Variants in PADI6 observed in about 807,000 individuals in gnomAD.
PADI6 encodes peptidyl arginine deiminase 6.
PADI6 carries 66 observed loss-of-function variants against 78.2 expected under a neutral mutation model. The ratio of observed to expected loss-of-function variants is 0.84; its 90% CI spans 0.69 to 1.04. The LOEUF is 1.04. PADI6 is among the 50% of genes least tolerant of loss of function. The pLI is 0.00. For missense variants in PADI6, 854 were observed against 866.1 expected (o/e 0.99, Z 0.18); for synonymous variants, 397 against 346.9 (o/e 1.14, Z -1.60).
At position 17,379,145 on chromosome 1, in the gene PADI6, C is replaced by T. The variant is rs375373998; in HGVS notation, c.368-775C>T. 5.7e-4 allele frequency among the ~76,000 whole-genome samples: 63 copies of T among 111,174 alleles called. 2 individuals are homozygous for T. The South Asian group carries it at 0.014, about 25-fold the overall frequency. 72.9% of individuals were successfully genotyped at this position (111,174 alleles called of 152,430 possible). A position where few individuals can be genotyped will look rare whatever the true frequency, so the allele number is the denominator to read the frequency against. On this transcript the variant is annotated intron_variant, in intron 3 of 15. Coordinates refer to ENST00000619609, the MANE Select transcript of PADI6 (RefSeq NM_207421.4). The stretch of plus-strand genomic sequence containing the variant: ...TTTTTTTTTTTTTAAGACGGAGTCT[C>T]GCTGTCGCCCAGGCTGGAGTGCAGT...
chr1:17,376,325 A>C (rs536334176), intron 3 of PADI6, among the ~76,000 whole-genome samples: 13 of 147,730 alleles, frequency 8.8e-5, no homozygotes, highest in Non-Finnish European at 1.9e-4. Context: ...TTTGAGATGG[A>C]GTCTTGCTCT....
chr1:17,383,903 C>T (rs1178233069), intron 6 of PADI6, among the ~76,000 whole-genome samples: 1 of 148,156 alleles, frequency 6.7e-6, no homozygotes. Context: ...AATCCCAACA[C>T]TTCGGGAGGC....
Position 17,398,755 on chromosome 1 carries a change from A to G in PADI6, c.1759A>G (p.Ile587Val). 6.2e-7 allele frequency: 1 copy of G among 1,602,226 alleles called. No homozygotes were observed. The highest frequency in any genetic ancestry group is 8.5e-7 in the Non-Finnish European group (1 of 1,174,690). ...CCTGGTGGAACAGGACATCATCGAG[A>G]TTCCCCAGCTGTTCTGCTTGGAGAA... Reference protein sequence around the residue: ...LGLVEQDIIEIPQLFCLEKLT... With the variant: ...LGLVEQDIIEVPQLFCLEKLT... Residue 587 changes from isoleucine to valine, a missense_variant, in exon 15 of 16, where the codon ATT becomes GTT. Transcript: ENST00000619609.
intron 6 of PADI6, among the ~76,000 whole-genome samples, chr1:17,387,031 G>C (rs1339054363): frequency 6.6e-6 from 1 of 152,234 alleles, no homozygotes; most frequent in East Asian, 1.9e-4. Context: ...GGAATCTTGA[G>C]CAGGAACAGC....
chr1:17,375,381 C>T (rs1570121541), intron 2 of PADI6, 46 bp from the exon 3 acceptor site: 2 of 1,545,060 alleles, frequency 1.3e-6, no homozygotes. Context: ...GTTCCTGGCA[C>T]CTCCCGTCCA....
intron 8 of PADI6, among the ~76,000 whole-genome samples, chr1:17,391,225 A>T (rs1557605355): frequency 6.6e-6 from 1 of 151,704 alleles, no homozygotes; most frequent in East Asian, 1.9e-4. Context: ...ATAATTTATT[A>T]TTTTTTCTTT....
chr1:17,396,428 G>T (rs2075247905), intron 13 of PADI6, among the ~76,000 whole-genome samples: 1 of 152,122 alleles, frequency 6.6e-6, no homozygotes, highest in Non-Finnish European at 1.5e-5. Flanking sequence ...GGGGCTGGGG[G>T]TATTAGGTTT....
At chr1:17,383,732 C>T (rs907646675) in intron 6 of PADI6, among the ~76,000 whole-genome samples, 1 of 151,960 alleles carries the variant, frequency 6.6e-6, no homozygotes, top group Admixed American at 6.6e-5. Flanking sequence ...GCCAGCTACT[C>T]AGGAGGCTGA....
chr1:17,388,534 C>A lies in PADI6; in HGVS notation c.833C>A (p.Ser278Tyr). Reference protein sequence around the residue: ...EFSGLISYSVSLVEESQDPSI... With the variant: ...EFSGLISYSVYLVEESQDPSI... Reference sequence around the variant, plus strand: ...TCAGGCCTCATCTCCTACTCTGTGTCCCTGGTGGAGGAGTCTCAAGACCCG... The same window carrying A: ...TCAGGCCTCATCTCCTACTCTGTGTACCTGGTGGAGGAGTCTCAAGACCCG... The change falls in exon 7 of 16, where the codon TCC becomes TAC. Residue 278 changes from serine to tyrosine, a missense_variant. By Grantham distance (144) the Ser-to-Tyr change is moderately radical. Coordinates refer to ENST00000619609, the MANE Select transcript of PADI6 (RefSeq NM_207421.4). 1 of 1,612,788 alleles carries A rather than the reference C, an allele frequency of 6.2e-7. No homozygotes were observed. Among genetic ancestry groups the A allele is most frequent in the Non-Finnish European group, 8.5e-7 (1 of 1,178,960 alleles).
intron 2 of PADI6, among the ~76,000 whole-genome samples, chr1:17,374,231 T>C (rs1215601561): frequency 6.6e-6 from 1 of 151,938 alleles, no homozygotes; most frequent in Non-Finnish European, 1.5e-5. Flanking sequence ...CAGGACCTAC[T>C]GGAGATGTCT....
intron 3 of PADI6, among the ~76,000 whole-genome samples, chr1:17,379,324 C>A (rs934556515): frequency 6.9e-6 from 1 of 145,168 alleles, no homozygotes; most frequent in Non-Finnish European, 1.5e-5. Context: ...CCGTGTTAGC[C>A]AGGATGGTCT....
intron 3 of PADI6, among the ~76,000 whole-genome samples, chr1:17,376,413 C>T (rs1161488578): frequency 6.6e-6 from 1 of 152,082 alleles, no homozygotes; most frequent in East Asian, 1.9e-4. Context: ...CATTCTCCTG[C>T]CTCAGCCTCC....
intron 14 of PADI6, among the ~76,000 whole-genome samples, 158 bp downstream of exon 14, chr1:17,397,299 TG>T (rs145049287): frequency 0.023 from 3,427 of 152,242 alleles, 140 homozygotes; most frequent in African/African-American, 0.078. Flanking sequence ...GGCCCAGGTC[TG>T]GGGCTAGAGC....
intron 3 of PADI6, among the ~76,000 whole-genome samples, chr1:17,379,068 C>T (rs562078772): frequency 6.6e-6 from 1 of 151,574 alleles, no homozygotes; most frequent in Non-Finnish European, 1.5e-5. Flanking sequence ...CCTTGGCTTC[C>T]CAAGAGGCTG....
At chr1:17,384,809 C>T (rs1456966200) in intron 6 of PADI6, among the ~76,000 whole-genome samples, 1 of 152,178 alleles carries the variant, frequency 6.6e-6, no homozygotes, top group Non-Finnish European at 1.5e-5. Context: ...GAATGGCAGT[C>T]ATCAGTGACC....
In PADI6 at chr1:17,379,963, G is replaced by T. The variant is rs749416826; in HGVS notation, c.411G>T (p.Glu137Asp). 2 of 1,613,558 alleles carry T rather than the reference G, an allele frequency of 1.2e-6. No homozygotes were observed. Among genetic ancestry groups the T allele is most frequent in the Non-Finnish European group, 1.7e-6 (2 of 1,179,608 alleles). Residue 137 changes from glutamate (E) to aspartate (D), a missense_variant, in exon 4 of 16, where the codon GAG becomes GAT. Glu to Asp is a conservative substitution (Grantham distance 45). Coordinates refer to ENST00000619609, the MANE Select transcript of PADI6 (RefSeq NM_207421.4). The stretch of plus-strand genomic sequence containing the variant: ...ACATCTACCGCAATGGGCAAGTTGA[G>T]ATGTCAAGTGACAAACAGGCTAAGG... ...EVDIYRNGQV[E>D]MSSDKQAKKK...
chr1:17,394,891 G>A lies in PADI6; in HGVS notation c.1338-60G>A, dbSNP rs531141127. 56 of 1,490,476 alleles carry A rather than the reference G, an allele frequency of 3.8e-5. No individual in the cohort carries two copies. The East Asian group carries it at 1.3e-3, about 34-fold the overall frequency. 92.3% of individuals were successfully genotyped at this position (1,490,476 alleles called of 1,614,324 possible). A position where few individuals can be genotyped will look rare whatever the true frequency, so the allele number is the denominator to read the frequency against. ...CCTGGAGGCAGCATGACACCAAGTGGCGGGTGACCAGCCCTGGGCCACACT... is the reference window on the plus strand; with the variant it reads ...CCTGGAGGCAGCATGACACCAAGTGACGGGTGACCAGCCCTGGGCCACACT... On this transcript the variant is annotated intron_variant, in intron 11 of 15. Transcript: ENST00000619609.
At chr1:17,379,169 G>A (rs866096449) in intron 3 of PADI6, among the ~76,000 whole-genome samples, 1 of 134,248 alleles carries the variant, frequency 7.4e-6, no homozygotes, top group Middle Eastern at 4.0e-3. Context: ...CTGGAGTGCA[G>A]TGGCGCAATC....
chr1:17,391,716 C>G (rs1453248185), intron 8 of PADI6, among the ~76,000 whole-genome samples: 1 of 152,146 alleles, frequency 6.6e-6, no homozygotes, highest in Admixed American at 6.5e-5. Context: ...TGTGGGGGGC[C>G]GAGGCAGGAG....
Sources: allele counts gnomAD v4.1 joint callset (sites outside exome capture counted in the v4.1 genomes callset), GRCh38; gene constraint gnomAD v4.1.1; transcripts MANE v1.5; gene names NCBI Gene and HGNC (gene_info 2026-07-23, HGNC 2026-07-21).